IQCJ: variants seen among roughly 807,000 people sequenced by gnomAD.
The protein encoded by IQCJ is IQ motif containing J.
Under a neutral mutation model 11.0 loss-of-function variants are expected in IQCJ, and 9 were observed. The observed-to-expected ratio is 0.82, with a 90% CI of 0.49 to 1.43. The LOEUF is 1.43. Ranked by LOEUF, IQCJ falls within the 40% of genes most tolerant of loss-of-function variation. The probability of loss-of-function intolerance (pLI) is 0.00; values close to 1 mark genes in which losing one functional copy is unlikely to be tolerated. For missense variants in IQCJ, 146 were observed against 133.2 expected (o/e 1.10, Z -0.47); for synonymous variants, 55 against 51.3 (o/e 1.07, Z -0.31).
chr3:159,238,532 T>A (rs1577105136), intron 1 of IQCJ, among the ~76,000 whole-genome samples: 1 of 152,348 alleles, frequency 6.6e-6, no homozygotes, highest in Non-Finnish European at 1.5e-5. Context: ...TAACTCATTT[T>A]GGGAATAAGC....
At chr3:159,233,636 C>A (rs1459730336) in intron 1 of IQCJ, among the ~76,000 whole-genome samples, 4 of 152,084 alleles carry the variant, frequency 2.6e-5, no homozygotes, top group Non-Finnish European at 5.9e-5. Flanking sequence ...TTAGTGTCCC[C>A]ATTTTACAGA....
intron 1 of IQCJ, among the ~76,000 whole-genome samples, chr3:159,239,110 G>A (rs1212368808): frequency 6.6e-6 from 1 of 152,180 alleles, no homozygotes; most frequent in Non-Finnish European, 1.5e-5. Flanking sequence ...AACTATGAGT[G>A]AAGATCTGTG....
rs555806525 is a variant in IQCJ, at chr3:159,199,057, A to T, written c.10-46786A>T. ...GATTCAGATGTCTAAAACAGGAAACATTGTGGTGGTAAGTTTAACTGTTGT... is the reference window on the plus strand; with the variant it reads ...GATTCAGATGTCTAAAACAGGAAACTTTGTGGTGGTAAGTTTAACTGTTGT... On this transcript the variant is annotated intron_variant, in intron 1 of 3. Transcript: ENST00000397832. 2.6e-5 allele frequency among the ~76,000 whole-genome samples: 4 copies of T among 152,312 alleles called. No homozygotes were observed. In the East Asian group the frequency reaches 7.7e-4, roughly 29 times the overall value.
chr3:159,195,645 G>A (rs73877545), intron 1 of IQCJ, among the ~76,000 whole-genome samples: 10,297 of 152,232 alleles, frequency 0.068, 1,164 homozygotes, highest in African/African-American at 0.24. Context: ...TCTGAACACA[G>A]GTATCCTTAC....
At chr3:159,136,964 TAAG>T (rs1369518098) in intron 1 of IQCJ, among the ~76,000 whole-genome samples, 1 of 152,116 alleles carries the variant, frequency 6.6e-6, no homozygotes, top group African/African-American at 2.4e-5. Flanking sequence ...CCACTGGTAT[TAAG>T]AAGTATAGTA....
intron 1 of IQCJ, among the ~76,000 whole-genome samples, chr3:159,130,412 T>TAAGGGGCAAA (rs1349047601): frequency 1.3e-5 from 2 of 152,134 alleles, no homozygotes; most frequent in Non-Finnish European, 1.5e-5. Flanking sequence ...CCACAGTACC[T>TAAGGGGCAAA]AGATCTCTAA....
intron 1 of IQCJ, among the ~76,000 whole-genome samples, chr3:159,144,815 A>G (rs1461333606): frequency 6.6e-6 from 1 of 152,194 alleles, no homozygotes; most frequent in Non-Finnish European, 1.5e-5. Flanking sequence ...TCATCATTAA[A>G]TGAAATTTTT....
At chr3:159,078,299 C>T (rs1404973314) in intron 1 of IQCJ, among the ~76,000 whole-genome samples, 1 of 152,046 alleles carries the variant, frequency 6.6e-6, no homozygotes, top group African/African-American at 2.4e-5. Context: ...ATAAAAGTTA[C>T]ATTGCTTTTG....
At chr3:159,131,290 C>A (rs1175165359) in intron 1 of IQCJ, among the ~76,000 whole-genome samples, 1 of 152,024 alleles carries the variant, frequency 6.6e-6, no homozygotes, top group African/African-American at 2.4e-5. Context: ...GCTCTGGGCA[C>A]TACACACCAC....
Position 159,263,037 on chromosome 3 carries a change from A to G in IQCJ, c.*306A>G, listed in dbSNP as rs934642466. The G allele has an allele frequency of 9.7e-6, 10 of 1,033,810 alleles. No homozygotes were observed. The highest frequency in any genetic ancestry group is 1.2e-5 in the Non-Finnish European group (10 of 860,058). 64.0% of individuals were successfully genotyped at this position (1,033,810 alleles called of 1,614,324 possible). On this transcript the variant is annotated 3_prime_UTR_variant, in exon 4 of 4. Transcript: ENST00000397832. ...TGTGGTGCTAATATGATAGAAGATAAGATTGGTTATAAGGAGTAGAAAGAG... is the reference window on the plus strand; with the variant it reads ...TGTGGTGCTAATATGATAGAAGATAGGATTGGTTATAAGGAGTAGAAAGAG...
chr3:159,213,450 C>T (rs909597988), intron 1 of IQCJ, among the ~76,000 whole-genome samples: 12 of 151,972 alleles, frequency 7.9e-5, no homozygotes, highest in Admixed American at 2.6e-4. Flanking sequence ...GATCTCAAGG[C>T]GCATTTTAAG....
intron 1 of IQCJ, among the ~76,000 whole-genome samples, chr3:159,166,713 G>A (rs1722185521): frequency 6.6e-6 from 1 of 152,144 alleles, no homozygotes; most frequent in African/African-American, 2.4e-5. Context: ...GTTTCCTCAG[G>A]TTACAGGAGT....
intron 1 of IQCJ, among the ~76,000 whole-genome samples, chr3:159,236,016 T>C (rs1726562154): frequency 6.6e-6 from 1 of 152,184 alleles, no homozygotes; most frequent in Non-Finnish European, 1.5e-5. Context: ...TCGTTGGACA[T>C]TCAAAATGTC....
At chr3:159,191,707 C>T (rs1407291081) in intron 1 of IQCJ, among the ~76,000 whole-genome samples, 1 of 152,192 alleles carries the variant, frequency 6.6e-6, no homozygotes. Flanking sequence ...CAAAGCCTGA[C>T]AGCATCCCCC....
chr3:159,091,823 G>T (rs1000744636), intron 1 of IQCJ, among the ~76,000 whole-genome samples: 7 of 151,750 alleles, frequency 4.6e-5, no homozygotes, highest in African/African-American at 1.5e-4. Context: ...AAAAGCCCAT[G>T]GGTTCATAGT....
intron 1 of IQCJ, among the ~76,000 whole-genome samples, chr3:159,211,471 G>A (rs1357478572): frequency 2.0e-5 from 3 of 152,180 alleles, no homozygotes; most frequent in Admixed American, 2.0e-4. Flanking sequence ...CCTCTCAAAG[G>A]TGTCCCTCAC....
chr3:159,158,109 CTTATAT>C (rs779069351), intron 1 of IQCJ, among the ~76,000 whole-genome samples: 2 of 152,162 alleles, frequency 1.3e-5, no homozygotes, highest in African/African-American at 4.8e-5. Flanking sequence ...TATAAATTGC[CTTATAT>C]TTATATGTGC....
At chr3:159,121,496 C>A (rs1480250148) in intron 1 of IQCJ, among the ~76,000 whole-genome samples, 1 of 152,136 alleles carries the variant, frequency 6.6e-6, no homozygotes, top group Non-Finnish European at 1.5e-5. Flanking sequence ...TTACAGTCTG[C>A]AGCCATTTGA....
rs140905679 is a variant in IQCJ, at chr3:159,118,707, A to G, written c.9+49266A>G. On this transcript the variant is annotated intron_variant, in intron 1 of 3. Coordinates refer to ENST00000397832, the MANE Select transcript of IQCJ (RefSeq NM_001042706.3). Reference sequence around the variant, plus strand: ...GCTTCTGTGTAGGTCTGTAAATATAAACCATACACATACTGAACACCATTT... The same window carrying G: ...GCTTCTGTGTAGGTCTGTAAATATAGACCATACACATACTGAACACCATTT... 5.3e-5 allele frequency among the ~76,000 whole-genome samples: 8 copies of G among 152,134 alleles called. No homozygotes were observed. In the South Asian group the frequency reaches 1.5e-3, roughly 28 times the overall value.
Sources: gnomAD v4.1 joint callset for allele counts (sites outside exome capture counted in the v4.1 genomes callset) on GRCh38, gnomAD v4.1.1 for gene constraint, MANE v1.5 for transcripts, NCBI Gene and HGNC (gene_info 2026-07-23, HGNC 2026-07-21) for gene names.